Variants in UVRAG observed in about 807,000 individuals in gnomAD.
The protein encoded by UVRAG is UV radiation resistance associated.
A neutral mutation model predicts 78.0 loss-of-function variants in UVRAG; 19 were observed. The ratio of observed to expected loss-of-function variants is 0.24; its 90% CI spans 0.17 to 0.36. UVRAG has a LOEUF of 0.36. Ranked by LOEUF, UVRAG falls within the 10% of genes least tolerant of loss-of-function variation. The pLI, the probability that UVRAG is intolerant of heterozygous loss-of-function variation, is 1.00. For missense variants in UVRAG, 740 were observed against 853.8 expected (o/e 0.87, Z 1.66); for synonymous variants, 323 against 324.6 (o/e 1.00, Z 0.05).
In UVRAG at chr11:75,872,544, C is replaced by T. The variant is rs577144627; in HGVS notation, c.271-7335C>T. Among the ~76,000 whole-genome samples, 91 of 152,114 alleles carry T rather than the reference C, an allele frequency of 6.0e-4. 1 individual carries two copies. The highest frequency in any genetic ancestry group is 5.3e-3 in the Admixed American group (81 of 15,282). On this transcript the variant is annotated intron_variant, in intron 3 of 14. Coordinates refer to ENST00000356136, the MANE Select transcript of UVRAG (RefSeq NM_003369.4). ...GCTGAGATACAGGCGCGCCCCACCA[C>T]GCCCGGCTAATTTTTGTATTTTTTA...
intron 2 of UVRAG, among the ~76,000 whole-genome samples, chr11:75,861,369 A>G (rs1381324723): frequency 6.6e-6 from 1 of 152,224 alleles, no homozygotes; most frequent in Non-Finnish European, 1.5e-5. Flanking sequence ...CAGTACTGCA[A>G]TGGGTAATCA....
At chr11:75,959,395 C>G (rs956468829) in intron 6 of UVRAG, among the ~76,000 whole-genome samples, 4 of 152,210 alleles carry the variant, frequency 2.6e-5, no homozygotes, top group African/African-American at 9.6e-5. Context: ...CCTGCTTCAC[C>G]TTGCATGTCT....
intron 5 of UVRAG, chr11:75,911,747 C>T (rs1389780656): frequency 9.6e-6 from 4 of 417,818 alleles, no homozygotes; most frequent in Non-Finnish European, 1.7e-5. Flanking sequence ...TTGTCAGATC[C>T]CCCTGCCAAA....
chr11:76,114,868 T>C (rs1470884764), intron 13 of UVRAG, among the ~76,000 whole-genome samples: 3 of 152,246 alleles, frequency 2.0e-5, no homozygotes, highest in African/African-American at 7.2e-5. Context: ...TATTTAAAAG[T>C]TTGACTTAGC....
chr11:76,009,742 G>C (rs1950016644), intron 11 of UVRAG, among the ~76,000 whole-genome samples: 1 of 152,198 alleles, frequency 6.6e-6, no homozygotes, highest in South Asian at 2.1e-4. Context: ...GATAAAAGGA[G>C]AGTGATAAAC....
intron 4 of UVRAG, among the ~76,000 whole-genome samples, chr11:75,880,928 C>CTTTTTTTTTTTTTTTTTTTT (rs773034018): frequency 1.1e-5 from 1 of 87,708 alleles, no homozygotes; most frequent in Non-Finnish European, 2.3e-5. Flanking sequence ...TTATTTACTT[C>CTTTTTTTTTTTTTTTTTTTT]TTTTTTTTTT....
chr11:75,856,838 C>T (rs1228944902), intron 2 of UVRAG, among the ~76,000 whole-genome samples: 1 of 152,136 alleles, frequency 6.6e-6, no homozygotes, highest in Non-Finnish European at 1.5e-5. Context: ...CATTTGGGGT[C>T]TAGTAGGTAA....
chr11:75,905,509 A>G (rs762955489), intron 5 of UVRAG, among the ~76,000 whole-genome samples: 2 of 152,106 alleles, frequency 1.3e-5, no homozygotes, highest in African/African-American at 2.4e-5. Flanking sequence ...GGATTTACCT[A>G]TTTTGGGTAT....
intron 6 of UVRAG, among the ~76,000 whole-genome samples, chr11:75,946,816 C>T (rs745803979): frequency 8.5e-5 from 13 of 152,186 alleles, no homozygotes; most frequent in Admixed American, 2.6e-4. Flanking sequence ...TAAGGGCTTA[C>T]CTGGTTAGAG....
At chr11:75,846,829 ATT>A (rs1186042364) in intron 1 of UVRAG, among the ~76,000 whole-genome samples, 1 of 142,286 alleles carries the variant, frequency 7.0e-6, no homozygotes, top group Non-Finnish European at 1.5e-5. Context: ...TTGTTCTTTC[ATT>A]TTTTTTTTTT....
intron 12 of UVRAG, among the ~76,000 whole-genome samples, chr11:76,060,431 G>C (rs1166324179): frequency 6.6e-6 from 1 of 152,232 alleles, no homozygotes; most frequent in African/African-American, 2.4e-5. Context: ...CTCGCTCTCA[G>C]CGCCTCTTCT....
At chr11:75,928,692 C>T (rs1445132179) in intron 6 of UVRAG, among the ~76,000 whole-genome samples, 2 of 151,938 alleles carry the variant, frequency 1.3e-5, no homozygotes, top group African/African-American at 4.8e-5. Context: ...GTAATCCCAG[C>T]ACTTTGGGAG....
chr11:75,991,480 T>C (rs1487425178), intron 8 of UVRAG, among the ~76,000 whole-genome samples: 5 of 152,172 alleles, frequency 3.3e-5, no homozygotes, highest in African/African-American at 1.2e-4. Flanking sequence ...AAATATGTAA[T>C]ATTGTTTAAT....
At chr11:76,062,736 C>G (rs1467592304) in intron 12 of UVRAG, among the ~76,000 whole-genome samples, 1 of 152,148 alleles carries the variant, frequency 6.6e-6, no homozygotes, top group Non-Finnish European at 1.5e-5. Context: ...ACTTAGGTGA[C>G]CAAGCCAAAT....
intron 6 of UVRAG, among the ~76,000 whole-genome samples, chr11:75,948,582 T>C (rs1223834405): frequency 6.6e-6 from 1 of 152,226 alleles, no homozygotes; most frequent in Non-Finnish European, 1.5e-5. Flanking sequence ...GGTGGATTTA[T>C]TTGAATAGAA....
At chr11:75,816,748 C>G (rs141978200) in intron 1 of UVRAG, among the ~76,000 whole-genome samples, 1 of 152,284 alleles carries the variant, frequency 6.6e-6, no homozygotes, top group African/African-American at 2.4e-5. Context: ...ATACACCCCT[C>G]CAACTTTCCA....
At chr11:75,965,114 A>G (rs1012625628) in intron 7 of UVRAG, among the ~76,000 whole-genome samples, 3 of 151,944 alleles carry the variant, frequency 2.0e-5, no homozygotes, top group Admixed American at 6.5e-5. Context: ...CAGTTTGTCA[A>G]TTTCTACACA....
At chr11:76,059,401 T>C (rs929457205) in intron 12 of UVRAG, among the ~76,000 whole-genome samples, 3 of 152,210 alleles carry the variant, frequency 2.0e-5, no homozygotes, top group African/African-American at 7.2e-5. Flanking sequence ...ATATGGAGAA[T>C]GAACTGGCAT....
intron 11 of UVRAG, among the ~76,000 whole-genome samples, chr11:76,014,016 G>A (rs1591133384): frequency 6.6e-6 from 1 of 152,128 alleles, no homozygotes; most frequent in East Asian, 1.9e-4. Flanking sequence ...AATCAAAGCT[G>A]ATTTCCAATA....
Sources: allele counts gnomAD v4.1 joint callset (sites outside exome capture counted in the v4.1 genomes callset), GRCh38; gene constraint gnomAD v4.1.1; transcripts MANE v1.5; gene names NCBI Gene and HGNC (gene_info 2026-07-23, HGNC 2026-07-21).